Variants in PPWD1 observed in about 807,000 individuals in gnomAD.
PPWD1 encodes peptidylprolyl isomerase domain and WD repeat containing 1.
Under a neutral mutation model 68.8 loss-of-function variants are expected in PPWD1, and 43 were observed. The observed-to-expected ratio is 0.62, with a 90% CI of 0.49 to 0.81. PPWD1 has a LOEUF of 0.81. Ranked by LOEUF, PPWD1 falls within the 30% of genes least tolerant of loss-of-function variation. PPWD1 has a pLI of 0.00. For synonymous variants in PPWD1, 232 were observed against 258.7 expected, an observed-to-expected ratio of 0.90 and a Z score of 0.99; for missense variants, 672 against 804.8, an observed-to-expected ratio of 0.83 and a Z score of 2.00.
At position 65,570,011 on chromosome 5, in the gene PPWD1, A is replaced by T. The variant is rs761251451; in HGVS notation, c.521+13A>T. 1 of 1,599,956 alleles carries T rather than the reference A, an allele frequency of 6.3e-7. No homozygotes were observed. The highest frequency in any genetic ancestry group is 1.7e-5 in the Admixed American group (1 of 59,208). On this transcript the variant is annotated intron_variant, in intron 4 of 10. Coordinates refer to ENST00000261308, the MANE Select transcript of PPWD1 (RefSeq NM_015342.4). ...TGCTGAAACTTGGGTGAGTCTTTTT[A>T]AAAGTATATATATTTTAACTTATTG...
intron 5 of PPWD1, 81 bp downstream of exon 5, chr5:65,572,367 C>G: frequency 7.5e-7 from 1 of 1,332,228 alleles, no homozygotes; most frequent in Non-Finnish European, 1.0e-6. Flanking sequence ...GATCTTTTTT[C>G]TACAGATAGA....
intron 6 of PPWD1, among the ~76,000 whole-genome samples, chr5:65,577,790 A>G (rs1333863701): frequency 6.6e-6 from 1 of 152,212 alleles, no homozygotes; most frequent in Admixed American, 6.5e-5. Flanking sequence ...GAGATTTTCC[A>G]TATACCCTCT....
chr5:65,564,116 G>C (rs1326791875), intron 1 of PPWD1, among the ~76,000 whole-genome samples: 1 of 152,090 alleles, frequency 6.6e-6, no homozygotes, highest in East Asian at 1.9e-4. Flanking sequence ...CACTAACGAG[G>C]AATAATCACA....
rs1241819630 is a variant in PPWD1, at chr5:65,571,938, T to C, written c.621T>C (p.Asp207=). 3 of 1,613,994 alleles carry C rather than the reference T, an allele frequency of 1.9e-6. No homozygotes were observed. Among genetic ancestry groups the C allele is most frequent in the African/African-American group, 2.7e-5 (2 of 74,908 alleles). Residue 207 remains aspartate, a synonymous_variant, in exon 5 of 11, where the codon GAT becomes GAC. Transcript: ENST00000261308. ...EKSTGKIFIY[D]GRGDNQPLHI... ...GTACAGGAAAAATTTTCATTTATGATGGCCGAGGAGATAACCAGCCACTTC... is the reference window on the plus strand; with the variant it reads ...GTACAGGAAAAATTTTCATTTATGACGGCCGAGGAGATAACCAGCCACTTC...
In PPWD1 at chr5:65,587,313, C is replaced by T; in HGVS notation, c.1858C>T (p.Gln620Ter). The change falls in exon 11 of 11, where the codon CAG (glutamine) becomes TAG (stop). Residue 620 changes from glutamine to a stop codon, truncating the protein, a stop_gained. Transcript: ENST00000261308. LOFTEE classifies it high-confidence loss of function. Reference sequence around the variant, plus strand: ...AGTGACTAAAGGAATGGAAGTTGTACAGAGGATCTCCAACGTCAAAGTCAA... The same window carrying T: ...AGTGACTAAAGGAATGGAAGTTGTATAGAGGATCTCCAACGTCAAAGTCAA... Reference protein sequence around the residue: ...GRVTKGMEVVQRISNVKVNPK... With the variant: ...GRVTKGMEVV 1.2e-6 allele frequency: 2 copies of T among 1,612,644 alleles called. No homozygotes were observed. The highest frequency in any genetic ancestry group is 1.7e-6 in the Non-Finnish European group (2 of 1,179,000).
rs1360465681 is a variant in PPWD1 at position 65,572,209 on chromosome 5, A to G, written c.892A>G (p.Ile298Val). 3.7e-6 allele frequency: 6 copies of G among 1,612,794 alleles called. No individual in the cohort carries two copies. Among genetic ancestry groups the G allele is most frequent in the Non-Finnish European group, 5.1e-6 (6 of 1,178,862 alleles). The change falls in exon 5 of 11, where the codon ATT becomes GTT. Residue 298 changes from isoleucine (I) to valine (V), a missense_variant. Around this residue, in one of 2 missense-constraint regions of PPWD1, gnomAD observed 484 missense variants for 646.2 expected, o/e 0.75. Coordinates refer to ENST00000261308, the MANE Select transcript of PPWD1 (RefSeq NM_015342.4). Reference sequence around the variant, plus strand: ...ACCAGATGGGAAGAAAATAGCTACTATTGGTTCTGATAGAAAAGTTAGAAT... The same window carrying G: ...ACCAGATGGGAAGAAAATAGCTACTGTTGGTTCTGATAGAAAAGTTAGAAT... Reference protein sequence around the residue: ...FSPDGKKIATIGSDRKVRIFR... With the variant: ...FSPDGKKIATVGSDRKVRIFR...
At chr5:65,563,540 G>C (rs754542664) in intron 1 of PPWD1, 34 bp downstream of exon 1, 1 of 1,580,424 alleles carries the variant, frequency 6.3e-7, no homozygotes, top group Non-Finnish European at 8.6e-7. Flanking sequence ...ACGAATTGGA[G>C]TGCTGCGTCC....
chr5:65,564,638 C>T (rs1644414904), intron 1 of PPWD1, among the ~76,000 whole-genome samples: 1 of 152,042 alleles, frequency 6.6e-6, no homozygotes, highest in African/African-American at 2.4e-5. Flanking sequence ...TCATTAAAGC[C>T]CAAACTCCCT....
chr5:65,579,207 G>A (rs756899079), intron 6 of PPWD1: 10 of 629,308 alleles, frequency 1.6e-5, no homozygotes, highest in African/African-American at 2.1e-5. Context: ...GTGAGCCACC[G>A]TGCCTGGCCT....
chr5:65,567,583 T>C lies in PPWD1; in HGVS notation c.267T>C (p.His89=). The change falls in exon 2 of 11, where the codon CAT becomes CAC. Residue 89 remains histidine, a synonymous_variant. Coordinates refer to ENST00000261308, the MANE Select transcript of PPWD1 (RefSeq NM_015342.4). The part of the protein sequence containing the change: ...SASMYERSYM[H]RDVITHVVCT... ...CCATGTATGAGCGCAGTTACATGCATAGAGATGTTATCACCCATGTGGTAT... is the reference window on the plus strand; with the variant it reads ...CCATGTATGAGCGCAGTTACATGCACAGAGATGTTATCACCCATGTGGTAT... 1.2e-6 allele frequency: 2 copies of C among 1,612,022 alleles called. No individual in the cohort carries two copies. Among genetic ancestry groups the C allele is most frequent in the Non-Finnish European group, 1.7e-6 (2 of 1,178,756 alleles).
intron 1 of PPWD1, among the ~76,000 whole-genome samples, chr5:65,564,458 A>G (rs1752590730): frequency 1.3e-5 from 2 of 151,792 alleles, no homozygotes; most frequent in Non-Finnish European, 2.9e-5. Flanking sequence ...CCTCCCGAGT[A>G]GCTGGGGCTA....
At chr5:65,567,774 A>C (rs1752843634) in intron 2 of PPWD1, 159 bp downstream of exon 2, 2 of 1,259,556 alleles carry the variant, frequency 1.6e-6, no homozygotes, top group Middle Eastern at 3.1e-4. Context: ...CCTATATCGT[A>C]CAAATAATGC....
chr5:65,582,791 C>T lies in PPWD1; in HGVS notation c.1351-247C>T, dbSNP rs1167181902. On this transcript the variant is annotated intron_variant, in intron 7 of 10. Transcript: ENST00000261308. Reference sequence around the variant, plus strand: ...AATGTTTGCCCAAGAAAATTTCTAACCAAAGAAATTAAATTCCATTTGAAA... The same window carrying T: ...AATGTTTGCCCAAGAAAATTTCTAATCAAAGAAATTAAATTCCATTTGAAA... 5 of 320,562 alleles carry T rather than the reference C, an allele frequency of 1.6e-5. No homozygotes were observed. The South Asian group carries it at 3.5e-4, about 22-fold the overall frequency. 19.9% of individuals were successfully genotyped at this position (320,562 alleles called of 1,614,324 possible).
intron 6 of PPWD1, among the ~76,000 whole-genome samples, chr5:65,578,408 C>G (rs1753409127): frequency 6.6e-6 from 1 of 152,162 alleles, no homozygotes; most frequent in Admixed American, 6.5e-5. Flanking sequence ...TTGTAACAGC[C>G]AAACTGCCTT....
At chr5:65,577,126 T>TC in intron 6 of PPWD1, 57 bp downstream of exon 6, 1 of 1,550,392 alleles carries the variant, frequency 6.4e-7, no homozygotes, top group South Asian at 1.3e-5. Context: ...GACCATTTCC[T>TC]CCATCATGGG....
chr5:65,587,468 T>C lies in PPWD1; in HGVS notation c.*72T>C. 1 of 1,203,128 alleles carries C rather than the reference T, an allele frequency of 8.3e-7. No homozygotes were observed. Among genetic ancestry groups the C allele is most frequent in the Non-Finnish European group, 1.1e-6 (1 of 883,788 alleles). 74.5% of individuals were successfully genotyped at this position (1,203,128 alleles called of 1,614,324 possible). On this transcript the variant is annotated 3_prime_UTR_variant, in exon 11 of 11. Transcript: ENST00000261308. ...ACAGATTATTTTACATTAGGAAGCTTAGGACTTGCTGAATATACAGATCAT... is the reference window on the plus strand; with the variant it reads ...ACAGATTATTTTACATTAGGAAGCTCAGGACTTGCTGAATATACAGATCAT...
intron 1 of PPWD1, among the ~76,000 whole-genome samples, chr5:65,566,107 A>G (rs1311015416): frequency 6.6e-6 from 1 of 152,196 alleles, no homozygotes; most frequent in East Asian, 1.9e-4. Flanking sequence ...CTTAGTAAGT[A>G]TTTGTCCACA....
chr5:65,572,238 C>T lies in PPWD1; in HGVS notation c.921C>T (p.Phe307=). 6.2e-7 allele frequency: 1 copy of T among 1,612,122 alleles called. No homozygotes were observed. The highest frequency in any genetic ancestry group is 8.5e-7 in the Non-Finnish European group (1 of 1,178,340). The change falls in exon 5 of 11, where the codon TTC becomes TTT. Residue 307 remains phenylalanine (F), a synonymous_variant. Transcript: ENST00000261308. ...GTTCTGATAGAAAAGTTAGAATTTT[C>T]AGATTTGTAACTGGAAAACTCATGA... is the stretch of plus-strand genomic sequence containing the variant. ...TIGSDRKVRI[F]RFVTGKLMRV...
chr5:65,584,464 G>A (rs1184636655), intron 8 of PPWD1, among the ~76,000 whole-genome samples: 2 of 152,122 alleles, frequency 1.3e-5, no homozygotes, highest in Admixed American at 6.5e-5. Flanking sequence ...AGAGTATGTC[G>A]CTGTAGCATA....
Sources: allele counts gnomAD v4.1 joint callset (sites outside exome capture counted in the v4.1 genomes callset), GRCh38; gene constraint gnomAD v4.1.1; regional missense constraint gnomAD v4.1.1; transcripts MANE v1.5; gene names NCBI Gene and HGNC (gene_info 2026-07-23, HGNC 2026-07-21).